Variants in SH3PXD2A observed in about 807,000 individuals in gnomAD.
The protein encoded by SH3PXD2A is SH3 and PX domain-containing protein 2A.
SH3PXD2A carries 32 observed loss-of-function variants against 115.2 expected under a neutral mutation model. The observed-to-expected ratio is 0.28, with a 90% CI of 0.21 to 0.37. The LOEUF (loss-of-function observed/expected upper bound fraction) is 0.37. SH3PXD2A is among the 10% of genes least tolerant of loss of function. SH3PXD2A has a pLI of 1.00. For synonymous variants in SH3PXD2A, 610 were observed against 629.1 expected (o/e 0.97, Z 0.45); for missense variants, 1,328 against 1,498.7 (o/e 0.89, Z 1.88).
chr10:103,763,084 C>T (rs989364530), intron 3 of SH3PXD2A, among the ~76,000 whole-genome samples: 10 of 152,196 alleles, frequency 6.6e-5, no homozygotes, highest in African/African-American at 2.4e-4. Flanking sequence ...AGACATATCA[C>T]AAGACTGTGT....
intron 5 of SH3PXD2A, among the ~76,000 whole-genome samples, chr10:103,710,593 G>A (rs147437517): frequency 6.3e-4 from 96 of 152,286 alleles, no homozygotes; most frequent in African/African-American, 2.2e-3. Context: ...GCTAGCACGA[G>A]GGATATGGTA....
chr10:103,660,933 C>CGGGGGCCAGACCGGAACCCCAGT (rs1554907903), intron 8 of SH3PXD2A, 50 bp downstream of exon 8: 39 of 1,604,952 alleles, frequency 2.4e-5, no homozygotes, highest in Non-Finnish European at 3.0e-5. Context: ...CAGCTCGGCC[C>CGGGGGCCAGACCGGAACCCCAGT]GGGGGCCAGA....
intron 13 of SH3PXD2A, among the ~76,000 whole-genome samples, chr10:103,606,700 T>G (rs1257660514): frequency 6.6e-6 from 1 of 152,134 alleles, no homozygotes; most frequent in Non-Finnish European, 1.5e-5. Context: ...TTTCGCTGTG[T>G]TGGCCGGGCT....
At chr10:103,674,793 C>G (rs1458535295) in intron 6 of SH3PXD2A, among the ~76,000 whole-genome samples, 1 of 152,136 alleles carries the variant, frequency 6.6e-6, no homozygotes, top group Non-Finnish European at 1.5e-5. Context: ...GCACTCCAGC[C>G]TGGACAACAG....
intron 1 of SH3PXD2A, among the ~76,000 whole-genome samples, chr10:103,819,289 C>A (rs1344216546): frequency 6.6e-6 from 1 of 152,186 alleles, no homozygotes; most frequent in African/African-American, 2.4e-5. Flanking sequence ...CCAGGAGAGG[C>A]ACCACTCTGG....
intron 3 of SH3PXD2A, among the ~76,000 whole-genome samples, chr10:103,764,406 C>T (rs12776858): frequency 6.6e-6 from 1 of 151,882 alleles, no homozygotes; most frequent in Admixed American, 6.6e-5. Flanking sequence ...AAGAGGGAAC[C>T]CTGCTGAAGC....
chr10:103,672,600 T>C (rs997510481), intron 6 of SH3PXD2A, among the ~76,000 whole-genome samples: 1 of 152,266 alleles, frequency 6.6e-6, no homozygotes, highest in Non-Finnish European at 1.5e-5. Context: ...TTGGTTCTTG[T>C]GCTGGCTTTG....
At position 103,661,038 on chromosome 10, in the gene SH3PXD2A, C is replaced by T. The variant is rs200556417; in HGVS notation, c.549G>A (p.Ser183=). 4 of 1,614,166 alleles carry T rather than the reference C, an allele frequency of 2.5e-6. No homozygotes were observed. The highest frequency in any genetic ancestry group is 2.2e-5 in the East Asian group (1 of 44,870). The change falls in exon 8 of 15, where the codon TCG becomes TCA. Residue 183 remains serine, a synonymous_variant. Coordinates refer to ENST00000369774, the MANE Select transcript of SH3PXD2A (RefSeq NM_001394015.1). ...VVSNYKKQEN[S]ELSLQAGEVV... The stretch of plus-strand genomic sequence containing the variant: ...CCTCCCCGGCCTGGAGGCTCAGCTC[C>T]GAGTTCTCCTGCTTCTTATAGTTGG...
At chr10:103,786,675 A>G (rs994275860) in intron 2 of SH3PXD2A, among the ~76,000 whole-genome samples, 11 of 152,160 alleles carry the variant, frequency 7.2e-5, no homozygotes, top group Non-Finnish European at 1.6e-4. Context: ...AAATAAATAT[A>G]AAATAAAAAT....
chr10:103,624,904 C>T (rs976098199), intron 9 of SH3PXD2A, among the ~76,000 whole-genome samples: 34 of 152,128 alleles, frequency 2.2e-4, no homozygotes, highest in Admixed American at 3.3e-4. Context: ...CAAGATGTGA[C>T]GGTGGAATCC....
rs1181935340 is a variant in SH3PXD2A at position 103,746,095 on chromosome 10, G to A, written c.230-10287C>T. ...ACGATCTCCCAAATTCTGGTTCGGA[G>A]GTTCCCATACCCAGTAAGCAGAGCC... On this transcript the variant is annotated intron_variant, in intron 3 of 14. Coordinates refer to ENST00000369774, the MANE Select transcript of SH3PXD2A (RefSeq NM_001394015.1). The surrounding 1 kb of genome is among the most constrained non-coding windows in gnomAD (Gnocchi z 4.4). The A allele has an allele frequency of 6.6e-6, 1 of 152,238 alleles. No homozygotes were observed. Among genetic ancestry groups the A allele is most frequent in the South Asian group, 2.1e-4 (1 of 4,828 alleles). 9.4% of individuals were successfully genotyped at this position (152,238 alleles called of 1,614,324 possible).
intron 5 of SH3PXD2A, among the ~76,000 whole-genome samples, chr10:103,720,983 A>T (rs1485443049): frequency 6.6e-6 from 1 of 152,224 alleles, no homozygotes; most frequent in Non-Finnish European, 1.5e-5. Flanking sequence ...GGCTGGAGGC[A>T]TTCCTATTCC....
chr10:103,608,624 A>G (rs997313922), intron 13 of SH3PXD2A: 7 of 146,660 alleles, frequency 4.8e-5, no homozygotes, highest in African/African-American at 1.5e-4. Context: ...TAATTAAATT[A>G]TTCTATTCTT....
At chr10:103,781,578 C>A (rs913501267) in intron 2 of SH3PXD2A, among the ~76,000 whole-genome samples, 1 of 152,212 alleles carries the variant, frequency 6.6e-6, no homozygotes, top group African/African-American at 2.4e-5. Context: ...TCTATTGAAA[C>A]AAACTAAAAG....
chr10:103,701,618 TCCATCCATCCA>T (rs2037907564), intron 5 of SH3PXD2A, among the ~76,000 whole-genome samples: 1 of 143,456 alleles, frequency 7.0e-6, no homozygotes, highest in Non-Finnish European at 1.5e-5. Context: ...CCATCCATCA[TCCATCCATCCA>T]CCATCCATCC....
At position 103,746,486 on chromosome 10, in the gene SH3PXD2A, A is replaced by AT. The variant is rs1182929354; in HGVS notation, c.230-10679dup. On this transcript the variant is annotated intron_variant, in intron 3 of 14. Coordinates refer to ENST00000369774, the MANE Select transcript of SH3PXD2A (RefSeq NM_001394015.1). This position sits in a 1 kb window ranked among gnomAD's most constrained non-coding sequence, Gnocchi z 4.4. Reference sequence around the variant, plus strand: ...AGGCATGCGCCACCACACCAGGCTAATTTTTTGTATTTTTTTGTAGAAACT... The same window carrying AT: ...AGGCATGCGCCACCACACCAGGCTAATTTTTTTGTATTTTTTTGTAGAAACT... 6.6e-6 allele frequency among the ~76,000 whole-genome samples: 1 copy of AT among 151,920 alleles called. No individual in the cohort carries two copies. Among genetic ancestry groups the AT allele is most frequent in the Admixed American group, 6.6e-5 (1 of 15,262 alleles).
At chr10:103,780,915 T>C (rs1459874763) in intron 2 of SH3PXD2A, among the ~76,000 whole-genome samples, 5 of 152,144 alleles carry the variant, frequency 3.3e-5, no homozygotes, top group Non-Finnish European at 5.9e-5. Context: ...CACAAGCCTA[T>C]TCATGACCTC....
At chr10:103,807,934 C>G (rs1431820898) in intron 1 of SH3PXD2A, among the ~76,000 whole-genome samples, 2 of 152,302 alleles carry the variant, frequency 1.3e-5, no homozygotes, top group South Asian at 2.1e-4. Flanking sequence ...TGGAGTTCAT[C>G]ATTGTCAGGC....
chr10:103,719,854 G>A (rs1452565000), intron 5 of SH3PXD2A, among the ~76,000 whole-genome samples: 2 of 151,710 alleles, frequency 1.3e-5, no homozygotes, highest in Non-Finnish European at 2.9e-5. Context: ...CAAGTAGCTG[G>A]GATTACAGGC....
Sources: gnomAD v4.1 joint callset for allele counts (sites outside exome capture counted in the v4.1 genomes callset) on GRCh38, gnomAD v4.1.1 for gene constraint, Gnocchi (gnomAD v3.1) non-coding constraint, MANE v1.5 for transcripts, NCBI Gene and HGNC (gene_info 2026-07-23, HGNC 2026-07-21) for gene names.